The following TSTD2 variants were observed in gnomAD, a reference collection of about 807,000 sequenced individuals.
TSTD2 encodes thiosulfate sulfurtransferase/rhodanese-like domain-containing protein 2.
In TSTD2, 37 loss-of-function variants were observed where a neutral mutation model predicts 47.9. The observed-to-expected ratio is 0.77, with a 90% CI of 0.59 to 1.02. The LOEUF is 1.02. TSTD2 is among the 50% of genes least tolerant of loss of function. TSTD2 has a pLI of 0.00. For synonymous variants in TSTD2, 201 were observed against 215.9 expected (o/e 0.93, Z 0.61); for missense variants, 586 against 616.0 (o/e 0.95, Z 0.52).
At chr9:97,623,335 T>C in intron 3 of TSTD2, among the ~76,000 whole-genome samples, 1 of 152,226 alleles carries the variant, frequency 6.6e-6, no homozygotes, top group East Asian at 1.9e-4. Context: ...TCCCCTGCCA[T>C]GCGGAACTGT....
In TSTD2 at chr9:97,611,644, G is replaced by C. The variant is rs1250350096; in HGVS notation, c.659C>G (p.Thr220Ser). ...AAGCATGACTTCCACATAAAGTCTG[G>C]TAGCCAATTTGCTTCCACCAACTGT... ...NGTVGGSKLA[T>S]RLYVEVMLSF... The change falls in exon 5 of 10, where the codon ACC becomes AGC. Residue 220 changes from threonine to serine, a missense_variant. Physicochemically the swap from Thr to Ser is moderately conservative, Grantham distance 58. Coordinates refer to ENST00000341170, the MANE Select transcript of TSTD2 (RefSeq NM_139246.5). 2 of 1,610,974 alleles carry C rather than the reference G, an allele frequency of 1.2e-6. No individual in the cohort carries two copies. The highest frequency in any genetic ancestry group is 2.2e-5 in the South Asian group (2 of 91,002).
chr9:97,609,289 C>A (rs1228684443), intron 6 of TSTD2, among the ~76,000 whole-genome samples: 2 of 152,074 alleles, frequency 1.3e-5, no homozygotes, highest in Non-Finnish European at 2.9e-5. Context: ...TCACATTATA[C>A]TTCTATTAGC....
At chr9:97,617,694 G>T in intron 4 of TSTD2, 63 bp downstream of exon 4, 2 of 1,545,288 alleles carry the variant, frequency 1.3e-6, no homozygotes, top group Non-Finnish European at 1.7e-6. Flanking sequence ...CACAGCATTT[G>T]CAATCCAAGG....
At chr9:97,633,186 C>T (rs1025202195) in intron 1 of TSTD2, 57 bp downstream of exon 1, 6 of 154,590 alleles carry the variant, frequency 3.9e-5, no homozygotes, top group African/African-American at 1.4e-4. Context: ...CCCAACCTCT[C>T]CTCCCACTTT....
rs1168082975 is a variant in TSTD2 at position 97,600,823 on chromosome 9, T to G, written c.*1646A>C. The G allele has an allele frequency of 3.7e-6, 4 of 1,079,046 alleles. No homozygotes were observed. The African/African-American group carries it at 6.7e-5, about 18-fold the overall frequency. 66.8% of individuals were successfully genotyped at this position (1,079,046 alleles called of 1,614,324 possible). A position where few individuals can be genotyped will look rare whatever the true frequency, so the allele number is the denominator to read the frequency against. ...ACTGCTGCCAGATCTCTTTTTAACATCATGTGCGTCTCTTGGGATCCAGCA... is the reference window on the plus strand; with the variant it reads ...ACTGCTGCCAGATCTCTTTTTAACAGCATGTGCGTCTCTTGGGATCCAGCA... On this transcript the variant is annotated 3_prime_UTR_variant, in exon 10 of 10. Transcript: ENST00000341170.
In TSTD2 at chr9:97,625,711, A is replaced by T. The variant is rs1471816339; in HGVS notation, c.452T>A (p.Ile151Lys). 2 of 1,613,854 alleles carry T rather than the reference A, an allele frequency of 1.2e-6. No individual in the cohort carries two copies. The highest frequency in any genetic ancestry group is 1.7e-6 in the Non-Finnish European group (2 of 1,179,848). ...SHDVSAWLPD[I>K]SCFNPDELIS... ...CAGCTCATCAGGGTTAAAGCAGCTT[A>T]TATCAGGGAGCCAAGCAGACACGTC... The change falls in exon 3 of 10, where the codon ATA (isoleucine) becomes AAA (lysine). Residue 151 changes from isoleucine to lysine, a missense_variant. Physicochemically the swap from Ile to Lys is moderately radical, Grantham distance 102. Transcript: ENST00000341170.
intron 4 of TSTD2, among the ~76,000 whole-genome samples, chr9:97,616,114 T>C (rs1826537110): frequency 6.6e-6 from 1 of 151,922 alleles, no homozygotes; most frequent in Non-Finnish European, 1.5e-5. Context: ...TAAGCTTGAG[T>C]AAAAATCAGA....
At position 97,600,400 on chromosome 9, in the gene TSTD2, T is replaced by G; in HGVS notation, c.*2069A>C. 4 of 985,888 alleles carry G rather than the reference T, an allele frequency of 4.1e-6. No individual in the cohort carries two copies. Among genetic ancestry groups the G allele is most frequent in the Non-Finnish European group, 4.8e-6 (4 of 830,154 alleles). The allele number at this position is 985,888 out of a possible 1,614,324, so 61.1% of individuals were successfully genotyped here. On this transcript the variant is annotated 3_prime_UTR_variant, in exon 10 of 10. Coordinates refer to ENST00000341170, the MANE Select transcript of TSTD2 (RefSeq NM_139246.5). Reference sequence around the variant, plus strand: ...CCCAGGCAACAAACATGTCCCTGAGTGTTCTTTAAGAACATTTGGGATTTA... The same window carrying G: ...CCCAGGCAACAAACATGTCCCTGAGGGTTCTTTAAGAACATTTGGGATTTA...
intron 3 of TSTD2, among the ~76,000 whole-genome samples, chr9:97,619,060 T>C (rs917709278): frequency 2.6e-5 from 4 of 152,354 alleles, no homozygotes; most frequent in East Asian, 1.9e-4. Flanking sequence ...CATATCTGTA[T>C]AGCACAGTGT....
chr9:97,610,164 C>A, intron 6 of TSTD2, 182 bp downstream of exon 6: 1 of 471,564 alleles, frequency 2.1e-6, no homozygotes, highest in Admixed American at 4.3e-5. Context: ...AGAGGTGAGT[C>A]TTCAACCCCA....
Position 97,600,678 on chromosome 9 carries a change from C to T in TSTD2, c.*1791G>A, listed in dbSNP as rs745942260. On this transcript the variant is annotated 3_prime_UTR_variant, in exon 10 of 10. Coordinates refer to ENST00000341170, the MANE Select transcript of TSTD2 (RefSeq NM_139246.5). ...ATTAGACAAATTGCTGCTGACCTTA[C>T]GCCTGTATATTAAGCCTCCGCAGGA... is the stretch of plus-strand genomic sequence containing the variant. The T allele has an allele frequency of 3.5e-4, 348 of 997,046 alleles. No individual in the cohort carries two copies. Among genetic ancestry groups the T allele is most frequent in the Middle Eastern group, 5.1e-4 (1 of 1,978 alleles). The allele number at this position is 997,046 out of a possible 1,614,324, so 61.8% of individuals were successfully genotyped here. A position where few individuals can be genotyped will look rare whatever the true frequency, so the allele number is the denominator to read the frequency against.
intron 4 of TSTD2, among the ~76,000 whole-genome samples, chr9:97,615,184 C>G (rs1826524620): frequency 6.6e-6 from 1 of 152,218 alleles, no homozygotes; most frequent in African/African-American, 2.4e-5. Context: ...TTTGAACCCC[C>G]AGGATTCTCT....
At chr9:97,615,747 C>T (rs1826533328) in intron 4 of TSTD2, among the ~76,000 whole-genome samples, 1 of 152,114 alleles carries the variant, frequency 6.6e-6, no homozygotes, top group Admixed American at 6.5e-5. Flanking sequence ...AATGATCTGC[C>T]TCTAAACCAA....
chr9:97,610,532 G>A, intron 5 of TSTD2, 81 bp from the exon 6 acceptor site: 1 of 1,046,614 alleles, frequency 9.6e-7, no homozygotes, highest in Middle Eastern at 2.2e-4. Context: ...TAAGAATGAT[G>A]GTCTGTTTTG....
intron 1 of TSTD2, among the ~76,000 whole-genome samples, chr9:97,630,178 T>TA (rs1158896372): frequency 6.6e-6 from 1 of 152,170 alleles, no homozygotes; most frequent in African/African-American, 2.4e-5. Context: ...TATCCTACTC[T>TA]AGCCACACTG....
At chr9:97,631,183 C>T (rs993364684) in intron 1 of TSTD2, among the ~76,000 whole-genome samples, 1 of 152,110 alleles carries the variant, frequency 6.6e-6, no homozygotes, top group Non-Finnish European at 1.5e-5. Context: ...GTGGGGTGAT[C>T]TCGGCTCACT....
chr9:97,630,801 A>G (rs1315476525), intron 1 of TSTD2, among the ~76,000 whole-genome samples: 2 of 152,256 alleles, frequency 1.3e-5, no homozygotes, highest in Non-Finnish European at 2.9e-5. Context: ...TGAAAATTAC[A>G]TGAGAAAAGA....
chr9:97,622,602 G>A (rs1238787713), intron 3 of TSTD2, among the ~76,000 whole-genome samples: 1 of 152,232 alleles, frequency 6.6e-6, no homozygotes, highest in African/African-American at 2.4e-5. Context: ...CCGAAAAGAT[G>A]CAGACACTCA....
Position 97,601,084 on chromosome 9 carries a change from C to A in TSTD2, c.*1385G>T. ...CAGTACAGGGTAACTGGAGGCGGGG[C>A]CAGGGCCTCAGCGCTATGGAAGAGT... On this transcript the variant is annotated 3_prime_UTR_variant, in exon 10 of 10. Coordinates refer to ENST00000341170, the MANE Select transcript of TSTD2 (RefSeq NM_139246.5). 1 of 1,304,252 alleles carries A rather than the reference C, an allele frequency of 7.7e-7. No individual in the cohort carries two copies. Among genetic ancestry groups the A allele is most frequent in the Middle Eastern group, 2.1e-4 (1 of 4,698 alleles). The allele number at this position is 1,304,252 out of a possible 1,614,324, so 80.8% of individuals were successfully genotyped here.
Sources: allele counts gnomAD v4.1 joint callset (sites outside exome capture counted in the v4.1 genomes callset), GRCh38; gene constraint gnomAD v4.1.1; transcripts MANE v1.5; gene names NCBI Gene and HGNC (gene_info 2026-07-23, HGNC 2026-07-21).